C1orf94: variants seen among roughly 807,000 people sequenced by gnomAD.
The protein encoded by C1orf94 is uncharacterized protein C1orf94.
Under a neutral mutation model 53.6 loss-of-function variants are expected in C1orf94, and 45 were observed. The ratio of observed to expected loss-of-function variants is 0.84; its 90% CI spans 0.66 to 1.08. The LOEUF is 1.08. Among genes scored for constraint, C1orf94 ranks in the 50% least tolerant of loss-of-function variants. C1orf94 has a pLI of 0.00. For missense variants in C1orf94, 762 were observed against 738.9 expected (o/e 1.03, Z -0.36); for synonymous variants, 304 against 296.1 (o/e 1.03, Z -0.27).
intron 2 of C1orf94, 117 bp from the exon 3 acceptor site, chr1:34,200,655 G>A (rs939431139): frequency 7.2e-7 from 1 of 1,388,422 alleles, no homozygotes; most frequent in Non-Finnish European, 9.9e-7. Flanking sequence ...CCCCCAAAGT[G>A]GTCCAAGCCT....
In C1orf94 at chr1:34,177,260, T is replaced by A. The variant is rs1236162729; in HGVS notation, c.-530T>A. Among the ~76,000 whole-genome samples, 2 of 152,150 alleles carry A rather than the reference T, an allele frequency of 1.3e-5. No individual in the cohort carries two copies. Among genetic ancestry groups the A allele is most frequent in the African/African-American group, 4.8e-5 (2 of 41,448 alleles). ...GGGGTGGGAGTCGGGCCGTTGACGCTCGCTCTGCGAGGGGCTCCCTGGGAA... is the reference window on the plus strand; with the variant it reads ...GGGGTGGGAGTCGGGCCGTTGACGCACGCTCTGCGAGGGGCTCCCTGGGAA... On this transcript the variant is annotated 5_prime_UTR_variant, in exon 1 of 7. Coordinates refer to ENST00000488417, the MANE Select transcript of C1orf94 (RefSeq NM_001134734.2).
At chr1:34,175,408 A>G (rs1171637744), upstream of C1orf94, among the ~76,000 whole-genome samples, 2 of 152,150 alleles carry the variant, frequency 1.3e-5, no homozygotes, top group African/African-American at 4.8e-5. Flanking sequence ...TTTCAGAACT[A>G]TTAATATTTC....
At position 34,182,748 on chromosome 1, in the gene C1orf94, T is replaced by G. The variant is rs866813837; in HGVS notation, c.320+4639T>G. Reference sequence around the variant, plus strand: ...TGCATCACTATCAATGTGACTGGGGTGTTGAGACCGAACACTGGCAAACTC... The same window carrying G: ...TGCATCACTATCAATGTGACTGGGGGGTTGAGACCGAACACTGGCAAACTC... On this transcript the variant is annotated intron_variant, in intron 1 of 6. Transcript: ENST00000488417. 2.6e-5 allele frequency among the ~76,000 whole-genome samples: 4 copies of G among 152,102 alleles called. No individual in the cohort carries two copies. The Middle Eastern group carries it at 0.01, about 388-fold the overall frequency.
chr1:34,217,381 T>G (rs548935236), intron 6 of C1orf94, among the ~76,000 whole-genome samples: 25 of 152,224 alleles, frequency 1.6e-4, no homozygotes, highest in African/African-American at 5.3e-4. Context: ...TACTGATAAT[T>G]GTTAAATACT....
At chr1:34,202,906 C>T (rs1022054962) in intron 4 of C1orf94, among the ~76,000 whole-genome samples, 4 of 152,076 alleles carry the variant, frequency 2.6e-5, no homozygotes, top group African/African-American at 7.2e-5. Context: ...AATACAACAA[C>T]AAAAAATAAT....
upstream of C1orf94, among the ~76,000 whole-genome samples, chr1:34,172,125 T>C (rs1429641089): frequency 6.6e-6 from 1 of 152,192 alleles, no homozygotes. Flanking sequence ...GGGTTTCCCA[T>C]AAAGGGCCTC....
At chr1:34,176,133 C>T (rs960508571), upstream of C1orf94, among the ~76,000 whole-genome samples, 3 of 151,982 alleles carry the variant, frequency 2.0e-5, no homozygotes, top group African/African-American at 7.2e-5. Context: ...GGGGTTGCAT[C>T]AGTACTGGGG....
At position 34,170,525 on chromosome 1, in the gene C1orf94, G is replaced by A. The variant is rs558225500; in HGVS notation, c.-251+3354G>A. On this transcript the variant is annotated intron_variant, in intron 1 of 6. Coordinates refer to the C1orf94 transcript ENST00000373374. ...CACAGGGTACCAAGGAAGGGTGTGG[G>A]GTGGAAATAGACCTCTCTTCTGACT... Among the ~76,000 whole-genome samples, 4 of 152,178 alleles carry A rather than the reference G, an allele frequency of 2.6e-5. No homozygotes were observed. In the South Asian group the frequency reaches 8.3e-4, roughly 32 times the overall value.
chr1:34,200,589 A>C (rs1381990519), intron 2 of C1orf94, among the ~76,000 whole-genome samples, 183 bp from the exon 3 acceptor site: 1 of 152,096 alleles, frequency 6.6e-6, no homozygotes. Flanking sequence ...ATCGGGGGGC[A>C]GGGGCCAGGG....
At chr1:34,171,005 A>G (rs1163502008) in intron 1 of C1orf94, among the ~76,000 whole-genome samples, 1 of 152,118 alleles carries the variant, frequency 6.6e-6, no homozygotes, top group African/African-American at 2.4e-5. Context: ...GCCCTATTCA[A>G]TGCATCTTCC....
upstream of C1orf94, among the ~76,000 whole-genome samples, chr1:34,174,695 C>T (rs1330794800): frequency 2.0e-5 from 3 of 152,156 alleles, no homozygotes; most frequent in Admixed American, 6.5e-5. Flanking sequence ...ACAATGCCAA[C>T]ATCTTGGTCT....
chr1:34,203,450 G>C (rs1171140780), intron 4 of C1orf94, among the ~76,000 whole-genome samples: 1 of 152,064 alleles, frequency 6.6e-6, no homozygotes, highest in East Asian at 1.9e-4. Context: ...TTATATCAGA[G>C]ACTTGAGCAT....
intron 1 of C1orf94, among the ~76,000 whole-genome samples, chr1:34,188,598 G>A (rs1320416832): frequency 6.6e-6 from 1 of 152,190 alleles, no homozygotes; most frequent in Non-Finnish European, 1.5e-5. Flanking sequence ...AAAGCCTGCA[G>A]CCAGGCTTGG....
upstream of C1orf94, among the ~76,000 whole-genome samples, chr1:34,172,986 T>A (rs1036382816): frequency 2.0e-5 from 3 of 152,200 alleles, no homozygotes; most frequent in Non-Finnish European, 4.4e-5. Context: ...TACAAAAGCG[T>A]TTGAGTCCTA....
chr1:34,182,608 G>A (rs191749498), intron 1 of C1orf94, among the ~76,000 whole-genome samples: 42 of 152,296 alleles, frequency 2.8e-4, no homozygotes, highest in African/African-American at 8.9e-4. Context: ...GGATTCAACT[G>A]TGTGTTTTAA....
chr1:34,204,378 G>A (rs1464661109), intron 4 of C1orf94, among the ~76,000 whole-genome samples: 1 of 152,132 alleles, frequency 6.6e-6, no homozygotes, highest in Non-Finnish European at 1.5e-5. Flanking sequence ...CCCTCCCGAG[G>A]GAGGGAAAGC....
intron 1 of C1orf94, among the ~76,000 whole-genome samples, chr1:34,189,859 A>G (rs1187748404): frequency 6.6e-6 from 1 of 152,190 alleles, no homozygotes; most frequent in African/African-American, 2.4e-5. Flanking sequence ...AGGCTCAGAG[A>G]AGGGAAGCGA....
At chr1:34,171,923 T>C (rs1156296616), upstream of C1orf94, among the ~76,000 whole-genome samples, 1 of 152,230 alleles carries the variant, frequency 6.6e-6, no homozygotes, top group Non-Finnish European at 1.5e-5. Context: ...AAGTAGCAAC[T>C]GTTTCTGTTT....
At position 34,218,876 on chromosome 1, in the gene C1orf94, C is replaced by A; in HGVS notation, c.*115C>A. 1 of 836,396 alleles carries A rather than the reference C, an allele frequency of 1.2e-6. No individual in the cohort carries two copies. The highest frequency in any genetic ancestry group is 2.5e-5 in the South Asian group (1 of 40,500). 51.8% of individuals were successfully genotyped at this position (836,396 alleles called of 1,614,324 possible). A position where few individuals can be genotyped will look rare whatever the true frequency, so the allele number is the denominator to read the frequency against. Reference sequence around the variant, plus strand: ...TGGAAAAGCAAGGTTCTGACCAGGTCACAGACAAAACAGCAAGACCAGATT... The same window carrying A: ...TGGAAAAGCAAGGTTCTGACCAGGTAACAGACAAAACAGCAAGACCAGATT... On this transcript the variant is annotated 3_prime_UTR_variant, in exon 7 of 7. Coordinates refer to ENST00000488417, the MANE Select transcript of C1orf94 (RefSeq NM_001134734.2).
Sources: gnomAD v4.1 joint callset for allele counts (sites outside exome capture counted in the v4.1 genomes callset) on GRCh38, gnomAD v4.1.1 for gene constraint, MANE v1.5 for transcripts, NCBI Gene and HGNC (gene_info 2026-07-23, HGNC 2026-07-21) for gene names.